VAV3: variants seen among roughly 807,000 people sequenced by gnomAD.
VAV3 encodes vav guanine nucleotide exchange factor 3, also known as guanine nucleotide exchange factor VAV3.
In VAV3, 94 loss-of-function variants were observed where a neutral mutation model predicts 131.2. That is an observed-to-expected ratio of 0.72 (90% CI 0.61 to 0.85). The LOEUF is 0.85. Among genes scored for constraint, VAV3 ranks in the 40% least tolerant of loss-of-function variants. The pLI, the probability that VAV3 is intolerant of heterozygous loss-of-function variation, is 0.00. For synonymous variants in VAV3, 349 were observed against 342.0 expected (o/e 1.02, Z -0.22); for missense variants, 939 against 1,002.7 (o/e 0.94, Z 0.86).
chr1:107,882,224 T>G (rs1485893348), intron 1 of VAV3, among the ~76,000 whole-genome samples: 1 of 151,998 alleles, frequency 6.6e-6, no homozygotes, highest in East Asian at 1.9e-4. Flanking sequence ...CAATGTAGAT[T>G]TTCTAACTTA....
chr1:107,710,438 C>T (rs1382811772), intron 15 of VAV3, among the ~76,000 whole-genome samples: 2 of 152,156 alleles, frequency 1.3e-5, no homozygotes, highest in African/African-American at 4.8e-5. Flanking sequence ...TGTATTCACA[C>T]ACATAGCTTT....
intron 12 of VAV3, among the ~76,000 whole-genome samples, chr1:107,754,994 T>A (rs1256434458): frequency 6.6e-6 from 1 of 152,034 alleles, no homozygotes; most frequent in Non-Finnish European, 1.5e-5. Context: ...CTTTTTTTTT[T>A]AAACTGTCTC....
intron 1 of VAV3, among the ~76,000 whole-genome samples, chr1:107,941,641 T>C (rs912659688): frequency 2.6e-5 from 4 of 152,222 alleles, no homozygotes; most frequent in Non-Finnish European, 4.4e-5. Context: ...ATATCCCTCA[T>C]GTTAAATTTT....
chr1:107,964,227 T>C (rs1296672720), intron 1 of VAV3, among the ~76,000 whole-genome samples: 1 of 152,168 alleles, frequency 6.6e-6, no homozygotes, highest in Non-Finnish European at 1.5e-5. Context: ...TATGTCATGG[T>C]TCCTCTTTTA....
At chr1:107,791,176 A>G (rs1046578666) in intron 2 of VAV3, among the ~76,000 whole-genome samples, 4 of 152,152 alleles carry the variant, frequency 2.6e-5, no homozygotes, top group African/African-American at 9.7e-5. Flanking sequence ...AAACTTGACA[A>G]GTTACAGTAA....
intron 19 of VAV3, among the ~76,000 whole-genome samples, chr1:107,676,149 T>C (rs577438551): frequency 6.6e-6 from 1 of 152,346 alleles, no homozygotes; most frequent in African/African-American, 2.4e-5. Context: ...CTCTCTCTTA[T>C]TCATTTGTAA....
intron 2 of VAV3, among the ~76,000 whole-genome samples, chr1:107,825,423 A>C (rs774271528): frequency 5.9e-5 from 9 of 152,002 alleles, no homozygotes; most frequent in Non-Finnish European, 1.3e-4. Flanking sequence ...TTTACCAAAT[A>C]TTTGGATTAA....
intron 2 of VAV3, among the ~76,000 whole-genome samples, chr1:107,871,575 A>G (rs1388600457): frequency 6.6e-6 from 1 of 152,070 alleles, no homozygotes; most frequent in African/African-American, 2.4e-5. Flanking sequence ...TTTGAAGTGA[A>G]TTACTACTGA....
At chr1:107,815,252 A>T (rs547883471) in intron 2 of VAV3, among the ~76,000 whole-genome samples, 23 of 152,196 alleles carry the variant, frequency 1.5e-4, no homozygotes, top group Non-Finnish European at 3.1e-4. Flanking sequence ...CATTGTAGCT[A>T]TGACCTTGAC....
chr1:107,646,916 A>G (rs989882531), intron 19 of VAV3, among the ~76,000 whole-genome samples: 1 of 151,924 alleles, frequency 6.6e-6, no homozygotes, highest in African/African-American at 2.4e-5. Context: ...ATTTCCTTTC[A>G]AATCTGAATT....
intron 19 of VAV3, among the ~76,000 whole-genome samples, chr1:107,658,742 G>A (rs1222363495): frequency 1.3e-5 from 2 of 152,182 alleles, no homozygotes; most frequent in East Asian, 1.9e-4. Context: ...CTGCATAAAT[G>A]TCTTCTTTTG....
intron 19 of VAV3, among the ~76,000 whole-genome samples, chr1:107,644,536 C>T (rs1226812111): frequency 2.0e-5 from 3 of 152,022 alleles, no homozygotes; most frequent in Non-Finnish European, 4.4e-5. Context: ...AATACTGGGG[C>T]CAGTTCTGAG....
chr1:107,832,067 C>T (rs1016911327), intron 2 of VAV3, among the ~76,000 whole-genome samples: 2 of 152,128 alleles, frequency 1.3e-5, no homozygotes, highest in African/African-American at 4.8e-5. Flanking sequence ...ATGCAATCAT[C>T]CAGGTGTGAA....
At chr1:107,666,740 G>T (rs1282352308) in intron 19 of VAV3, among the ~76,000 whole-genome samples, 1 of 151,694 alleles carries the variant, frequency 6.6e-6, no homozygotes, top group South Asian at 2.1e-4. Flanking sequence ...CAGCTAATTT[G>T]TATATATATA....
chr1:107,719,497 C>G (rs528055979), intron 15 of VAV3, among the ~76,000 whole-genome samples: 1 of 152,278 alleles, frequency 6.6e-6, no homozygotes, highest in South Asian at 2.1e-4. Flanking sequence ...AAATGCAAAT[C>G]AAAACCACAA....
At chr1:107,756,431 T>A (rs1337246930) in intron 11 of VAV3, among the ~76,000 whole-genome samples, 1 of 152,156 alleles carries the variant, frequency 6.6e-6, no homozygotes, top group Non-Finnish European at 1.5e-5. Context: ...TTGGTTTGAC[T>A]TTTTAATAAT....
At chr1:107,816,460 T>C (rs1227693493) in intron 2 of VAV3, among the ~76,000 whole-genome samples, 1 of 152,192 alleles carries the variant, frequency 6.6e-6, no homozygotes, top group Non-Finnish European at 1.5e-5. Context: ...ACTGGCCACA[T>C]GCAGTCTTAT....
At chr1:107,684,362 A>T (rs1658872798) in intron 18 of VAV3, among the ~76,000 whole-genome samples, 3 of 152,228 alleles carry the variant, frequency 2.0e-5, no homozygotes, top group Admixed American at 2.0e-4. Context: ...TTTTCACAAA[A>T]GCAATTTTCT....
intron 15 of VAV3, among the ~76,000 whole-genome samples, chr1:107,743,453 A>G (rs1570878929): frequency 6.6e-6 from 1 of 152,308 alleles, no homozygotes; most frequent in East Asian, 1.9e-4. Flanking sequence ...ATGGGGTTAA[A>G]GGAAGAGATG....
Sources: allele counts gnomAD v4.1 joint callset (sites outside exome capture counted in the v4.1 genomes callset), GRCh38; gene constraint gnomAD v4.1.1; transcripts MANE v1.5; gene names NCBI Gene and HGNC (gene_info 2026-07-23, HGNC 2026-07-21).